Variants in CEACAM21 observed in about 807,000 individuals in gnomAD.
CEACAM21 encodes the protein CEA cell adhesion molecule 21.
A neutral mutation model predicts 33.2 loss-of-function variants in CEACAM21; 38 were observed. That is an observed-to-expected ratio of 1.14 (90% confidence interval 0.88 to 1.50). The LOEUF is 1.50. Ranked by LOEUF, CEACAM21 falls within the 40% of genes most tolerant of loss-of-function variation. CEACAM21 has a pLI of 0.00. For missense variants in CEACAM21, 385 were observed against 364.6 expected (o/e 1.06, Z -0.46); for synonymous variants, 156 against 143.0 (o/e 1.09, Z -0.65).
At chr19:41,586,063 T>C (rs926209615) in intron 6 of CEACAM21, 192 bp downstream of exon 6, 5 of 634,984 alleles carry the variant, frequency 7.9e-6, no homozygotes, top group Non-Finnish European at 1.4e-5. Flanking sequence ...AACCCCACCC[T>C]GGGACCCTCC....
intron 3 of CEACAM21, 133 bp from the exon 4 acceptor site, chr19:41,584,214 G>A: frequency 1.4e-6 from 1 of 721,658 alleles, no homozygotes. Flanking sequence ...CCAGCTATGA[G>A]GACAGCACAA....
At chr19:41,562,224 G>A (rs2122178111) in intron 1 of CEACAM21, among the ~76,000 whole-genome samples, 1 of 151,432 alleles carries the variant, frequency 6.6e-6, no homozygotes, top group Admixed American at 6.6e-5. Flanking sequence ...CAGCCTAGGT[G>A]ACAGAGCAAG....
chr19:41,577,468 C>T lies in CEACAM21; in HGVS notation c.333C>T (p.Asn111=), dbSNP rs78133615. The change falls in exon 2 of 7, where the codon AAC becomes AAT. Residue 111 remains asparagine (N), a synonymous_variant. Transcript: ENST00000401445. ...CCAGTGGAGATCTGCATTTCCAGAA[C>T]GTCACCCTAGAGGACACGGGATACT... ...ISPSGDLHFQ[N]VTLEDTGYYN... 1.3e-3 allele frequency: 2,070 copies of T among 1,613,734 alleles called. 35 individuals carry two copies. In the African/African-American group the frequency reaches 0.025, roughly 20 times the overall value.
intron 2 of CEACAM21, among the ~76,000 whole-genome samples, chr19:41,578,213 CG>C (rs1382010655): frequency 1.3e-5 from 2 of 151,916 alleles, no homozygotes; most frequent in Admixed American, 6.6e-5. Context: ...AAAGATGTCC[CG>C]GGAAGTGCAC....
chr19:41,575,294 G>A (rs1000534793), upstream of CEACAM21, among the ~76,000 whole-genome samples: 12 of 152,070 alleles, frequency 7.9e-5, no homozygotes, highest in Admixed American at 2.6e-4. Flanking sequence ...AATAGAATTA[G>A]TATCATTTAA....
At chr19:41,558,356 T>TA (rs1156612853) in intron 1 of CEACAM21, among the ~76,000 whole-genome samples, 1 of 152,094 alleles carries the variant, frequency 6.6e-6, no homozygotes, top group African/African-American at 2.4e-5. Flanking sequence ...CCTTATAATA[T>TA]AAAAAACCCA....
intron 1 of CEACAM21, among the ~76,000 whole-genome samples, chr19:41,561,851 A>G (rs1468218165): frequency 6.6e-6 from 1 of 152,248 alleles, no homozygotes; most frequent in Admixed American, 6.5e-5. Context: ...GTCAGTCTAC[A>G]CACAAAGACC....
At chr19:41,570,767 G>A (rs2042550843) in intron 2 of CEACAM21, among the ~76,000 whole-genome samples, 1 of 152,210 alleles carries the variant, frequency 6.6e-6, no homozygotes, top group South Asian at 2.1e-4. Context: ...TCTCAGGGTG[G>A]AAAGGGAGAC....
intron 5 of CEACAM21, 41 bp from the exon 6 acceptor site, chr19:41,585,799 T>C (rs2070694455): frequency 6.2e-7 from 1 of 1,603,502 alleles, no homozygotes; most frequent in Non-Finnish European, 8.5e-7. Flanking sequence ...GGGGCCCAGC[T>C]ATCCTAACAC....
At chr19:41,571,951 CT>C (rs112565158), upstream of CEACAM21, among the ~76,000 whole-genome samples, 1,030 of 143,778 alleles carry the variant, frequency 7.2e-3, no homozygotes, top group African/African-American at 0.014. Flanking sequence ...CATTTTGACA[CT>C]TTTTTTTTTT....
intron 5 of CEACAM21, 113 bp from the exon 6 acceptor site, chr19:41,585,727 T>G (rs948935595): frequency 1.6e-6 from 2 of 1,217,468 alleles, no homozygotes; most frequent in South Asian, 1.3e-5. Context: ...TAAAATAACC[T>G]GAGAAAGGCT....
chr19:41,549,530 G>A (rs1213678559), exon 1 of CEACAM21: 1 of 152,136 alleles, frequency 6.6e-6, no homozygotes, highest in African/African-American at 2.4e-5. Flanking sequence ...AGCAGAACTT[G>A]GACTGAGTCC....
chr19:41,572,235 A>G (rs1451374266), upstream of CEACAM21, among the ~76,000 whole-genome samples: 1 of 152,168 alleles, frequency 6.6e-6, no homozygotes, highest in Non-Finnish European at 1.5e-5. Flanking sequence ...TTAAAAGACC[A>G]TTCTGGTATA....
chr19:41,559,612 A>G (rs368420166), intron 1 of CEACAM21, among the ~76,000 whole-genome samples: 1 of 152,216 alleles, frequency 6.6e-6, no homozygotes, highest in African/African-American at 2.4e-5. Context: ...AAGTCAAAAG[A>G]TGTTCTTTAA....
rs202115613 is a variant in CEACAM21, at chr19:41,579,447, C to G, written c.519C>G (p.Thr173=). The G allele has an allele frequency of 1.5e-4, 242 of 1,613,938 alleles. No individual in the cohort carries two copies. The East Asian group carries it at 5.2e-3, about 34-fold the overall frequency. ...CCTGCCACACAAATAACACTGGAAC[C>G]TCTTTCCAGTGGATTTTCAACAACC... The part of the protein sequence containing the change: ...VLTCHTNNTG[T]SFQWIFNNQR... Residue 173 remains threonine (T), a synonymous_variant, in exon 3 of 7, where the codon ACC becomes ACG. Transcript: ENST00000401445.
intron 3 of CEACAM21, 27 bp from the exon 4 acceptor site, chr19:41,584,320 C>G: frequency 1.3e-6 from 2 of 1,591,352 alleles, no homozygotes; most frequent in Non-Finnish European, 1.7e-6. Flanking sequence ...AGATTTGGAC[C>G]TCATCCCCTT....
At chr19:41,583,851 G>T (rs1555794220) in intron 3 of CEACAM21, among the ~76,000 whole-genome samples, 1 of 152,162 alleles carries the variant, frequency 6.6e-6, no homozygotes, top group Non-Finnish European at 1.5e-5. Flanking sequence ...CACCAAATAC[G>T]TATTTCACAA....
At position 41,582,597 on chromosome 19, in the gene CEACAM21, C is replaced by A. The variant is rs182261755; in HGVS notation, c.701-1750C>A. ...AGGCGAAGGTTCCCAAACCTCAATC[C>A]TTGACTTCTGTGCACCTGCAGGCTC... is the stretch of plus-strand genomic sequence containing the variant. On this transcript the variant is annotated intron_variant, in intron 3 of 6. Coordinates refer to ENST00000401445, the MANE Select transcript of CEACAM21 (RefSeq NM_001098506.4). 4.6e-5 allele frequency among the ~76,000 whole-genome samples: 7 copies of A among 152,356 alleles called. No individual in the cohort carries two copies. The East Asian group carries it at 1.3e-3, about 29-fold the overall frequency.
intron 1 of CEACAM21, among the ~76,000 whole-genome samples, chr19:41,557,774 C>T (rs1165968424): frequency 6.6e-6 from 1 of 152,238 alleles, no homozygotes; most frequent in Non-Finnish European, 1.5e-5. Context: ...ATACATCTCT[C>T]TTCCTTTTGG....
Sources: gnomAD v4.1 joint callset for allele counts (sites outside exome capture counted in the v4.1 genomes callset) on GRCh38, gnomAD v4.1.1 for gene constraint, MANE v1.5 for transcripts, NCBI Gene and HGNC (gene_info 2026-07-23, HGNC 2026-07-21) for gene names.